The following STK4 variants were observed in gnomAD, a reference collection of about 807,000 sequenced individuals.
The protein encoded by STK4 is serine/threonine-protein kinase 4.
In STK4, 30 loss-of-function variants were observed where a neutral mutation model predicts 64.9. That is an observed-to-expected ratio of 0.46 (90% CI 0.35 to 0.63). The LOEUF (loss-of-function observed/expected upper bound fraction) is 0.63. Among genes scored for constraint, STK4 ranks in the 20% least tolerant of loss-of-function variants. The probability of loss-of-function intolerance (pLI) is 0.01; values close to 1 mark genes in which losing one functional copy is unlikely to be tolerated. For synonymous variants in STK4, 177 were observed against 199.0 expected (o/e 0.89, Z 0.93); for missense variants, 466 against 598.5 (o/e 0.78, Z 2.31).
chr20:45,003,950 C>T (rs1415648572), intron 9 of STK4, among the ~76,000 whole-genome samples: 2 of 151,524 alleles, frequency 1.3e-5, no homozygotes, highest in Admixed American at 1.3e-4. Context: ...AACTCCTGAT[C>T]TCACATGATC....
intron 9 of STK4, among the ~76,000 whole-genome samples, chr20:45,007,322 G>A (rs1479295413): frequency 1.3e-5 from 2 of 152,170 alleles, no homozygotes; most frequent in African/African-American, 2.4e-5. Context: ...GGAGGCCATG[G>A]CGGGCAGATC....
intron 10 of STK4, among the ~76,000 whole-genome samples, chr20:45,027,685 T>C (rs1422031680): frequency 6.6e-6 from 1 of 152,174 alleles, no homozygotes; most frequent in Non-Finnish European, 1.5e-5. Flanking sequence ...ATTTTCCTAC[T>C]GTACTATCGA....
chr20:44,987,536 T>C (rs944599272), intron 5 of STK4, among the ~76,000 whole-genome samples: 1 of 152,090 alleles, frequency 6.6e-6, no homozygotes, highest in African/African-American at 2.4e-5. Context: ...AAGCAAGAAA[T>C]GATAGATTAC....
intron 6 of STK4, 22 bp downstream of exon 6, chr20:44,995,279 C>G (rs1568700992): frequency 1.9e-6 from 3 of 1,599,034 alleles, no homozygotes; most frequent in Non-Finnish European, 2.6e-6. Flanking sequence ...GACAGAAAGC[C>G]AGTGGGGTGG....
At position 44,999,405 on chromosome 20, in the gene STK4, A is replaced by T. The variant is rs143320613; in HGVS notation, c.832-987A>T. On this transcript the variant is annotated intron_variant, in intron 7 of 10. Coordinates refer to ENST00000372806, the MANE Select transcript of STK4 (RefSeq NM_006282.5). ...TTTGAGGTATACTGTCCATCTCTGGAGTTCTTACTTGGAACTTGTATCCTT... is the reference window on the plus strand; with the variant it reads ...TTTGAGGTATACTGTCCATCTCTGGTGTTCTTACTTGGAACTTGTATCCTT... Among the ~76,000 whole-genome samples the T allele has an allele frequency of 3.4e-3, 512 of 152,302 alleles. 5 individuals are homozygous for T. Among genetic ancestry groups the T allele is most frequent in the African/African-American group, 0.012 (493 of 41,570 alleles).
chr20:44,983,816 A>C (rs1292470884), intron 4 of STK4, among the ~76,000 whole-genome samples: 1 of 152,234 alleles, frequency 6.6e-6, no homozygotes, highest in African/African-American at 2.4e-5. Flanking sequence ...GAGGTGCTAC[A>C]CAAATTATAA....
rs528089876 is a variant in STK4, at chr20:45,009,853, A to G, written c.1147+8500A>G. On this transcript the variant is annotated intron_variant, in intron 9 of 10. Coordinates refer to ENST00000372806, the MANE Select transcript of STK4 (RefSeq NM_006282.5). ...GCCTGGCCATTGTTTGTGTATAGAA[A>G]TGCTACTGATTTTTGTACATTTTTT... 2.0e-5 allele frequency among the ~76,000 whole-genome samples: 3 copies of G among 152,248 alleles called. No homozygotes were observed. The East Asian group carries it at 5.8e-4, about 29-fold the overall frequency.
At position 45,075,161 on chromosome 20, in the gene STK4, G is replaced by A. The variant is rs1056783930; in HGVS notation, c.1449G>A (p.Arg483=). 4 of 1,613,690 alleles carry A rather than the reference G, an allele frequency of 2.5e-6. No individual in the cohort carries two copies. The highest frequency in any genetic ancestry group is 3.4e-6 in the Non-Finnish European group (4 of 1,180,008). Residue 483 remains arginine, a synonymous_variant, in exon 11 of 11, where the codon CGG becomes CGA. Transcript: ENST00000372806. ...ILDAIEAKKR[R]QQNF ...ATGCCATAGAGGCTAAGAAGAGACG[G>A]CAACAAAACTTCTGAGCAAGGCCAG... is the stretch of plus-strand genomic sequence containing the variant.
In STK4 at chr20:44,997,157, T is replaced by C; in HGVS notation, c.694-12T>C. 3 of 1,613,326 alleles carry C rather than the reference T, an allele frequency of 1.9e-6. No individual in the cohort carries two copies. Among genetic ancestry groups the C allele is most frequent in the South Asian group, 1.1e-5 (1 of 91,026 alleles). ...TACCAGATCTTTTTGTTTGTTTGTT[T>C]GTTCTAACCAGGCAATCTTCATGAT... On this transcript the variant is annotated splice_polypyrimidine_tract_variant and intron_variant, in intron 6 of 10. Coordinates refer to ENST00000372806, the MANE Select transcript of STK4 (RefSeq NM_006282.5).
At chr20:44,995,861 C>T (rs530612635) in intron 6 of STK4, among the ~76,000 whole-genome samples, 1 of 152,198 alleles carries the variant, frequency 6.6e-6, no homozygotes, top group East Asian at 1.9e-4. Context: ...GTCTGTCACT[C>T]ACTCATTTTG....
intron 10 of STK4, among the ~76,000 whole-genome samples, chr20:45,046,693 T>A (rs759521031): frequency 9.9e-5 from 15 of 151,914 alleles, no homozygotes; most frequent in Non-Finnish European, 1.9e-4. Flanking sequence ...TTATTTATTT[T>A]TTTTCCGAGA....
At chr20:45,030,394 G>C (rs995854746) in intron 10 of STK4, among the ~76,000 whole-genome samples, 1 of 152,014 alleles carries the variant, frequency 6.6e-6, no homozygotes, top group Non-Finnish European at 1.5e-5. Flanking sequence ...GTGAGCCACC[G>C]GGCCCAGCCT....
intron 5 of STK4, among the ~76,000 whole-genome samples, chr20:44,988,533 G>GTGTGTGTGTATATATATATATA (rs1221720136): frequency 3.0e-4 from 30 of 101,558 alleles, no homozygotes; most frequent in African/African-American, 1.0e-3. Flanking sequence ...ATGTGTGTGT[G>GTGTGTGTGTATATATATATATA]TATATATATA....
At chr20:44,988,505 A>ATG (rs1369055889) in intron 5 of STK4, among the ~76,000 whole-genome samples, 3 of 134,936 alleles carry the variant, frequency 2.2e-5, no homozygotes, top group Admixed American at 7.6e-5. Context: ...GTATGTATGT[A>ATG]TGTGTGTGTG....
At chr20:45,042,016 A>G (rs2068621803) in intron 10 of STK4, among the ~76,000 whole-genome samples, 1 of 152,230 alleles carries the variant, frequency 6.6e-6, no homozygotes, top group Non-Finnish European at 1.5e-5. Flanking sequence ...GAAAAGAAAA[A>G]GAAAAACAAC....
At chr20:45,025,605 G>T (rs2068330731) in intron 10 of STK4, among the ~76,000 whole-genome samples, 1 of 152,056 alleles carries the variant, frequency 6.6e-6, no homozygotes. Context: ...TGAAAAACTG[G>T]ATGTGTTTTC....
intron 1 of STK4, among the ~76,000 whole-genome samples, chr20:44,967,425 T>TA (rs1377896128): frequency 3.3e-4 from 50 of 152,192 alleles, no homozygotes; most frequent in Admixed American, 3.3e-3. Flanking sequence ...CACCAAATCC[T>TA]AGTGGTACCT....
intron 10 of STK4, among the ~76,000 whole-genome samples, chr20:45,042,854 A>G (rs973469100): frequency 1.6e-4 from 25 of 152,152 alleles, no homozygotes; most frequent in African/African-American, 4.6e-4. Flanking sequence ...AAAATTTCCA[A>G]CTTTTAAGTT....
intron 10 of STK4, among the ~76,000 whole-genome samples, chr20:45,049,849 A>T (rs924217628): frequency 1.3e-5 from 2 of 152,178 alleles, no homozygotes; most frequent in East Asian, 1.9e-4. Context: ...CCCACAGGAA[A>T]GCCAAGTGTA....
Sources: gnomAD v4.1 joint callset for allele counts (sites outside exome capture counted in the v4.1 genomes callset) on GRCh38, gnomAD v4.1.1 for gene constraint, MANE v1.5 for transcripts, NCBI Gene and HGNC (gene_info 2026-07-23, HGNC 2026-07-21) for gene names.